The following PDE4DIP variants were observed in gnomAD, a reference collection of about 807,000 sequenced individuals.
PDE4DIP encodes myomegalin.
Under a neutral mutation model 221.4 loss-of-function variants are expected in PDE4DIP, and 59 were observed. The ratio of observed to expected loss-of-function variants is 0.27; its 90% CI spans 0.22 to 0.33. The LOEUF (loss-of-function observed/expected upper bound fraction) is 0.33. Ranked by LOEUF, PDE4DIP falls within the 10% of genes least tolerant of loss-of-function variation. The pLI is 1.00. For missense variants in PDE4DIP, 1,036 were observed against 2,154.2 expected, an observed-to-expected ratio of 0.48 and a Z score of 10.28; for synonymous variants, 404 against 815.9, an observed-to-expected ratio of 0.50 and a Z score of 8.60.
chr1:148,989,975 C>T (rs1158485570), intron 21 of PDE4DIP, among the ~76,000 whole-genome samples: 2 of 152,154 alleles, frequency 1.3e-5, no homozygotes, highest in African/African-American at 4.8e-5. Context: ...TTGGAAATAA[C>T]TCTTGTACAC....
exon 44 of PDE4DIP, chr1:149,032,086 C>A (rs1553639021): frequency 6.2e-7 from 1 of 1,604,388 alleles, no homozygotes; most frequent in Admixed American, 1.7e-5. Context: ...TACCTATCTG[C>A]TGAGGAGCAT....
At position 149,016,393 on chromosome 1, in the gene PDE4DIP, C is replaced by T. The variant is rs587672691; in HGVS notation, c.5361C>T (p.His1787=). 7.4e-5 allele frequency: 90 copies of T among 1,216,698 alleles called. 1 individual carries two copies. Among genetic ancestry groups the T allele is most frequent in the South Asian group, 5.5e-4 (45 of 81,322 alleles). 75.4% of individuals were successfully genotyped at this position (1,216,698 alleles called of 1,614,324 possible). The change falls in exon 33 of 44, where the codon CAC becomes CAT. Residue 1787 remains histidine (H), a synonymous_variant. Transcript: ENST00000369354. ...ACTACCTCAACTCTGCCCAGCCTCACTCTCCTCCAAGGGGCACCATAGAAC... is the reference window on the plus strand; with the variant it reads ...ACTACCTCAACTCTGCCCAGCCTCATTCTCCTCCAAGGGGCACCATAGAAC...
chr1:148,964,120 T>G (rs2057671816), intron 9 of PDE4DIP, among the ~76,000 whole-genome samples: 1 of 146,782 alleles, frequency 6.8e-6, no homozygotes, highest in African/African-American at 2.5e-5. Flanking sequence ...TCATTTTTTT[T>G]TTTTTTGAGA....
exon 14 of PDE4DIP, chr1:148,968,924 G>A (rs782365493): frequency 2.0e-5 from 33 of 1,613,178 alleles, no homozygotes; most frequent in Non-Finnish European, 2.6e-5. Flanking sequence ...CGAAAGGAAA[G>A]GATGCTGCAG....
rs587708183 is a variant in PDE4DIP at position 148,970,063 on chromosome 1, C to G, written c.1980+1033C>G. Among the ~76,000 whole-genome samples the G allele has an allele frequency of 2.0e-5, 3 of 151,880 alleles. No individual in the cohort carries two copies. The East Asian group carries it at 5.8e-4, about 29-fold the overall frequency. Reference sequence around the variant, plus strand: ...TGTGTTTTCTCCTCAAGGCTAAAAACTCTTAGTTGACTTGTGCTGCATTTC... The same window carrying G: ...TGTGTTTTCTCCTCAAGGCTAAAAAGTCTTAGTTGACTTGTGCTGCATTTC... On this transcript the variant is annotated intron_variant, in intron 14 of 43. Transcript: ENST00000369354.
chr1:149,013,714 GA>G lies in PDE4DIP; in HGVS notation c.5266+940del, dbSNP rs201685151. ...TCTAGTGATGCAAGACAACAGCCAA[GA>G]ATTTGCATCCCCCTCCCTACAGCCC... On this transcript the variant is annotated intron_variant, in intron 32 of 43. Transcript: ENST00000369354. Among the ~76,000 whole-genome samples the G allele has an allele frequency of 2.4e-3, 251 of 106,110 alleles. 3 individuals carry two copies. Among genetic ancestry groups the G allele is most frequent in the African/African-American group, 8.9e-3 (232 of 26,186 alleles). The allele number at this position is 106,110 out of a possible 152,430, so 69.6% of individuals were successfully genotyped here. A position where few individuals can be genotyped will look rare whatever the true frequency, so the allele number is the denominator to read the frequency against.
exon 23 of PDE4DIP, chr1:148,998,280 C>A: frequency 6.2e-7 from 1 of 1,613,106 alleles, no homozygotes; most frequent in Non-Finnish European, 8.5e-7. Flanking sequence ...CTGAGTTCCA[C>A]CAGCACTTAG....
intron 5 of PDE4DIP, among the ~76,000 whole-genome samples, chr1:148,948,551 A>G (rs1333297596): frequency 6.6e-6 from 1 of 151,364 alleles, no homozygotes; most frequent in African/African-American, 2.4e-5. Context: ...CTTCTGGGCT[A>G]TATTTTATAG....
intron 43 of PDE4DIP, chr1:149,030,691 T>C (rs1553636287): frequency 1.0e-6 from 1 of 980,184 alleles, no homozygotes; most frequent in Non-Finnish European, 1.2e-6. Context: ...TAAAAGCAAT[T>C]TGCAACCTAA....
intron 5 of PDE4DIP, among the ~76,000 whole-genome samples, chr1:148,946,728 TG>T (rs2151101934): frequency 6.9e-6 from 1 of 145,914 alleles, no homozygotes; most frequent in South Asian, 2.4e-4. Flanking sequence ...GGCTTACAGT[TG>T]GCTCTTGATA....
rs587655917 is a variant in PDE4DIP at position 149,016,197 on chromosome 1, A to C, written c.5267-102A>C. On this transcript the variant is annotated intron_variant, in intron 32 of 43. Transcript: ENST00000369354. ...TGAACTGGGATCTCTGACATTCCAC[A>C]TGTCTCCTTTTAGTCTCTATTCTTA... 64 of 640,812 alleles carry C rather than the reference A, an allele frequency of 1.0e-4. No individual in the cohort carries two copies. The East Asian group carries it at 1.7e-3, about 17-fold the overall frequency. The allele number at this position is 640,812 out of a possible 1,614,324, so 39.7% of individuals were successfully genotyped here. A position where few individuals can be genotyped will look rare whatever the true frequency, so the allele number is the denominator to read the frequency against.
chr1:148,985,313 T>C (rs1214440125), intron 21 of PDE4DIP: 1 of 152,092 alleles, frequency 6.6e-6, no homozygotes, highest in African/African-American at 2.4e-5. Context: ...GGATAATATA[T>C]TCGAGTGATT....
intron 4 of PDE4DIP, among the ~76,000 whole-genome samples, chr1:148,937,303 C>T (rs587773743): frequency 3.9e-5 from 6 of 152,198 alleles, no homozygotes; most frequent in African/African-American, 1.2e-4. Flanking sequence ...CACTAGCAAA[C>T]ACATGCTGGT....
chr1:149,021,341 C>CGAGCAA (rs2072833884), intron 37 of PDE4DIP, 188 bp downstream of exon 40: 1 of 590,686 alleles, frequency 1.7e-6, no homozygotes, highest in African/African-American at 1.8e-5. Flanking sequence ...GTTGGTGGCA[C>CGAGCAA]GAGCAAGATC....
chr1:149,014,988 A>G (rs11484553), intron 32 of PDE4DIP, among the ~76,000 whole-genome samples: 24,268 of 149,896 alleles, frequency 0.16, 1,216 homozygotes, highest in Admixed American at 0.21. Context: ...TTGTGTTCGG[A>G]TGGGGTTGAA....
chr1:148,983,697 T>C (rs1288374143), intron 21 of PDE4DIP: 1 of 152,544 alleles, frequency 6.6e-6, no homozygotes, highest in African/African-American at 2.4e-5. Context: ...CACAGACTCT[T>C]TCTCATACTG....
chr1:148,818,107 C>T (rs1419499357), intron 1 of PDE4DIP, among the ~76,000 whole-genome samples: 2 of 149,498 alleles, frequency 1.3e-5, no homozygotes, highest in African/African-American at 2.5e-5. Flanking sequence ...AGGCACTGTG[C>T]CCCGCCCATG....
At chr1:148,986,419 T>G (rs2061913255) in intron 21 of PDE4DIP, 1 of 152,204 alleles carries the variant, frequency 6.6e-6, no homozygotes, top group Admixed American at 6.5e-5. Context: ...TTTAGCTATC[T>G]TAGTTGAAAC....
intron 5 of PDE4DIP, among the ~76,000 whole-genome samples, chr1:148,960,132 AAT>A: frequency 6.6e-6 from 1 of 152,430 alleles, no homozygotes; most frequent in South Asian, 2.1e-4. Context: ...ACAATTATCA[AAT>A]TTAGAAAATT....
Sources: allele counts gnomAD v4.1 joint callset (sites outside exome capture counted in the v4.1 genomes callset), GRCh38; gene constraint gnomAD v4.1.1; transcripts MANE v1.5; gene names NCBI Gene and HGNC (gene_info 2026-07-23, HGNC 2026-07-21).